The following TUB variants were observed in gnomAD, a reference collection of about 807,000 sequenced individuals.
The protein encoded by TUB is TUB bipartite transcription factor.
A neutral mutation model predicts 59.7 loss-of-function variants in TUB; 33 were observed. The ratio of observed to expected loss-of-function variants is 0.55; its 90% CI spans 0.42 to 0.74. The LOEUF (loss-of-function observed/expected upper bound fraction) is 0.74. TUB is among the 30% of genes least tolerant of loss of function. The pLI, the probability that TUB is intolerant of heterozygous loss-of-function variation, is 0.00. For missense variants in TUB, 659 were observed against 672.0 expected (o/e 0.98, Z 0.21); for synonymous variants, 293 against 256.4 (o/e 1.14, Z -1.36).
At chr11:8,066,105 G>A (rs865851357) in intron 2 of TUB, among the ~76,000 whole-genome samples, 6 of 152,244 alleles carry the variant, frequency 3.9e-5, no homozygotes, top group East Asian at 1.9e-4. Context: ...GAAGGGGCCC[G>A]GGGGGAGGCT....
intron 2 of TUB, among the ~76,000 whole-genome samples, chr11:8,042,485 A>G (rs1378280858): frequency 6.6e-6 from 1 of 152,184 alleles, no homozygotes; most frequent in Admixed American, 6.5e-5. Context: ...CCTTGGGTAT[A>G]TGCCTAGGAT....
chr11:8,020,508 A>C (rs1238189155), intron 1 of TUB, among the ~76,000 whole-genome samples: 1 of 152,028 alleles, frequency 6.6e-6, no homozygotes, highest in Non-Finnish European at 1.5e-5. Context: ...CTCCATCTGC[A>C]CCTTCGCCTC....
At chr11:8,069,978 C>T (rs1165800997) in intron 2 of TUB, among the ~76,000 whole-genome samples, 1 of 152,200 alleles carries the variant, frequency 6.6e-6, no homozygotes, top group Non-Finnish European at 1.5e-5. Flanking sequence ...ATGGCCGCAC[C>T]GTGTGGGCAT....
At chr11:8,043,613 A>G (rs895253473) in intron 2 of TUB, among the ~76,000 whole-genome samples, 10 of 152,174 alleles carry the variant, frequency 6.6e-5, no homozygotes, top group Non-Finnish European at 1.3e-4. Context: ...AAAGAAGTTT[A>G]TAGTTTTCAA....
chr11:8,074,133 G>T (rs755555808), intron 2 of TUB, among the ~76,000 whole-genome samples: 1 of 151,860 alleles, frequency 6.6e-6, no homozygotes, highest in African/African-American at 2.4e-5. Context: ...TACCAATAGT[G>T]TGTGTTTATC....
chr11:8,063,579 C>T (rs1435943908), intron 2 of TUB, among the ~76,000 whole-genome samples: 2 of 152,192 alleles, frequency 1.3e-5, no homozygotes, highest in African/African-American at 4.8e-5. Context: ...GTTCACTCGA[C>T]CCAGTTTGCT....
intron 1 of TUB, among the ~76,000 whole-genome samples, chr11:8,022,891 T>C (rs902143392): frequency 6.6e-6 from 1 of 152,040 alleles, no homozygotes; most frequent in Non-Finnish European, 1.5e-5. Flanking sequence ...CAAGACTGTG[T>C]CTCAAAAACA....
intron 11 of TUB, 75 bp downstream of exon 11, chr11:8,101,072 G>A: frequency 1.9e-6 from 3 of 1,544,038 alleles, no homozygotes; most frequent in Middle Eastern, 1.7e-4. Flanking sequence ...AGCCCACCTA[G>A]CCCTGCCTAC....
chr11:8,085,978 TTGGTGC>T (rs569591260), intron 1 of TUB, among the ~76,000 whole-genome samples: 272 of 152,252 alleles, frequency 1.8e-3, no homozygotes, highest in Middle Eastern at 0.014. Context: ...TGCCACCTCG[TTGGTGC>T]TGGACTGAGC....
At chr11:8,074,075 C>CTA (rs941740572) in intron 2 of TUB, among the ~76,000 whole-genome samples, 2 of 149,132 alleles carry the variant, frequency 1.3e-5, no homozygotes, top group African/African-American at 4.9e-5. Flanking sequence ...TAAGGCGTTA[C>CTA]TATATATATG....
At chr11:8,038,390 A>G (rs1366703189), upstream of TUB, among the ~76,000 whole-genome samples, 1 of 152,216 alleles carries the variant, frequency 6.6e-6, no homozygotes, top group African/African-American at 2.4e-5. Flanking sequence ...ATCTTCCATC[A>G]GTCCCTAGAA....
intron 2 of TUB, among the ~76,000 whole-genome samples, chr11:8,055,747 T>C (rs1943009659): frequency 6.6e-6 from 1 of 152,216 alleles, no homozygotes; most frequent in South Asian, 2.1e-4. Context: ...AATGACAGTG[T>C]GTGCCTCTGC....
At chr11:8,057,344 C>T (rs538125588) in intron 2 of TUB, among the ~76,000 whole-genome samples, 9 of 152,204 alleles carry the variant, frequency 5.9e-5, no homozygotes, top group East Asian at 1.9e-4. Context: ...GGCCCAGTAA[C>T]GAGATGCAGA....
chr11:8,045,990 C>T (rs140107437), intron 2 of TUB, among the ~76,000 whole-genome samples: 29 of 152,258 alleles, frequency 1.9e-4, no homozygotes, highest in African/African-American at 6.7e-4. Context: ...AGCCTTGGGT[C>T]GTTTTCTCAC....
rs959133977 is a variant in TUB at position 8,090,344 on chromosome 11, G to A, written c.253+113G>A. 22 of 1,411,820 alleles carry A rather than the reference G, an allele frequency of 1.6e-5. No homozygotes were observed. In the African/African-American group the frequency reaches 2.4e-4, roughly 16 times the overall value. 87.5% of individuals were successfully genotyped at this position (1,411,820 alleles called of 1,614,324 possible). ...GACGGGGGATGCCCAGGCTGTGTAT[G>A]GCTTCCAGCCCAGGCAGACAGCTGA... On this transcript the variant is annotated intron_variant, in intron 3 of 11. Coordinates refer to ENST00000299506, the MANE Select transcript of TUB (RefSeq NM_177972.3).
chr11:8,064,998 T>A (rs1943209844), intron 2 of TUB, among the ~76,000 whole-genome samples: 1 of 152,226 alleles, frequency 6.6e-6, no homozygotes, highest in South Asian at 2.1e-4. Context: ...CAGGGGCCTC[T>A]CCATGTTGAA....
upstream of TUB, among the ~76,000 whole-genome samples, chr11:8,080,888 C>T (rs1449354185): frequency 1.3e-5 from 2 of 152,234 alleles, no homozygotes; most frequent in Non-Finnish European, 2.9e-5. Flanking sequence ...GGCCCGGTCC[C>T]TGCCCCGCCA....
intron 3 of TUB, among the ~76,000 whole-genome samples, chr11:8,093,037 A>G (rs948470195): frequency 2.0e-5 from 3 of 152,004 alleles, no homozygotes; most frequent in Non-Finnish European, 4.4e-5. Flanking sequence ...AGTGAGCACA[A>G]ATGGGTGTGG....
chr11:8,093,967 G>T, intron 3 of TUB, 79 bp from the exon 4 acceptor site: 1 of 1,570,270 alleles, frequency 6.4e-7, no homozygotes. Flanking sequence ...TGCTGTGCTG[G>T]GGACTGTGTT....
Sources: allele counts gnomAD v4.1 joint callset (sites outside exome capture counted in the v4.1 genomes callset), GRCh38; gene constraint gnomAD v4.1.1; transcripts MANE v1.5; gene names NCBI Gene and HGNC (gene_info 2026-07-23, HGNC 2026-07-21).